Variants in DMD observed in about 807,000 individuals in gnomAD.
DMD encodes the protein mutant dystrophin.
DMD carries 63 observed loss-of-function variants against 330.1 expected under a neutral mutation model. That is an observed-to-expected ratio of 0.19 (90% CI 0.16 to 0.24). The LOEUF is 0.24. Ranked by LOEUF, DMD falls within the 10% of genes least tolerant of loss-of-function variation. DMD has a pLI of 1.00. For missense variants in DMD, 3,344 were observed against 2,684.1 expected (o/e 1.25, Z -5.43); for synonymous variants, 1,223 against 959.8 (o/e 1.27, Z -5.07).
rs1255459221 is a variant in DMD, at chrX:32,650,305, A to C, written c.961-5153T>G. On this transcript the variant is annotated intron_variant, in intron 9 of 78. Transcript: ENST00000357033. ...CAGTTTTATTGGTCTTGAATGCATA[A>C]ATGCTTCAAGAACATTTGCAAATTT... 2.7e-5 allele frequency among the ~76,000 whole-genome samples: 3 copies of C among 111,224 alleles called. No individual in the cohort carries two copies. In the East Asian group the frequency reaches 8.4e-4, roughly 31 times the overall value.
chrX:32,489,929 A>T (rs1364777938), intron 20 of DMD, among the ~76,000 whole-genome samples: 1 of 112,145 alleles, frequency 8.9e-6, no homozygotes, highest in Admixed American at 9.5e-5. Flanking sequence ...CAAGTGCCTT[A>T]TCCAAGGTAT....
chrX:32,841,121 T>A lies in DMD; in HGVS notation c.264+3662A>T, dbSNP rs1326181231. Among the ~76,000 whole-genome samples, 3 of 111,731 alleles carry A rather than the reference T, an allele frequency of 2.7e-5. No homozygotes were observed. The East Asian group carries it at 8.4e-4, about 31-fold the overall frequency. On this transcript the variant is annotated intron_variant, in intron 4 of 78. Transcript: ENST00000357033. ...ACTGGTATCTCATTACAGCTCTAAT[T>A]TAAATTTCCTCAAGTTACTGCTGAG... is the stretch of plus-strand genomic sequence containing the variant.
At chrX:31,296,608 G>A (rs2054206115) in intron 62 of DMD, among the ~76,000 whole-genome samples, 1 of 111,864 alleles carries the variant, frequency 8.9e-6, no homozygotes, top group African/African-American at 3.2e-5. Flanking sequence ...AAAGGCAGAT[G>A]AGTGGGCCCT....
At chrX:32,016,513 T>C (rs2095761927) in intron 44 of DMD, among the ~76,000 whole-genome samples, 1 of 111,171 alleles carries the variant, frequency 9.0e-6, no homozygotes, top group Non-Finnish European at 1.9e-5. Context: ...TAGCACATCT[T>C]TTTCTCTCCA....
chrX:32,053,483 T>G (rs1161785538), intron 44 of DMD, among the ~76,000 whole-genome samples: 1 of 111,398 alleles, frequency 9.0e-6, no homozygotes, highest in African/African-American at 3.3e-5. Context: ...TTCTTCACTT[T>G]GTTAGCTCTT....
intron 9 of DMD, among the ~76,000 whole-genome samples, chrX:32,657,043 T>TC (rs2060627755): frequency 9.3e-6 from 1 of 108,042 alleles, no homozygotes; most frequent in Non-Finnish European, 1.9e-5. Flanking sequence ...GTGTGTGTTT[T>TC]CTTCCTCTAA....
intron 1 of DMD, among the ~76,000 whole-genome samples, chrX:33,188,716 G>A (rs76110539): frequency 8.0e-5 from 9 of 111,834 alleles, no homozygotes; most frequent in Non-Finnish European, 1.3e-4. Flanking sequence ...TCCCAAATTC[G>A]TCTGTTGAAG....
At chrX:31,491,108 G>A (rs948471478) in intron 57 of DMD, among the ~76,000 whole-genome samples, 2 of 112,124 alleles carry the variant, frequency 1.8e-5, no homozygotes, top group Non-Finnish European at 3.8e-5. Context: ...CTAGGGAAGG[G>A]ATTATAGAGA....
At chrX:32,931,580 T>C (rs1468755879) in intron 2 of DMD, among the ~76,000 whole-genome samples, 1 of 111,448 alleles carries the variant, frequency 9.0e-6, no homozygotes, top group African/African-American at 3.3e-5. Flanking sequence ...CAAACAAACG[T>C]ATAAGCATAT....
chrX:33,096,694 T>C (rs752756334), intron 1 of DMD, among the ~76,000 whole-genome samples: 4 of 110,808 alleles, frequency 3.6e-5, no homozygotes, highest in Non-Finnish European at 7.6e-5. Context: ...TTAGTAGAGA[T>C]GGGGTTTCAC....
chrX:32,744,181 A>G (rs1180294310), intron 7 of DMD, among the ~76,000 whole-genome samples: 1 of 109,184 alleles, frequency 9.2e-6, no homozygotes, highest in African/African-American at 3.4e-5. Flanking sequence ...AGGAAGGATA[A>G]CCATTCTTAC....
intron 55 of DMD, among the ~76,000 whole-genome samples, chrX:31,509,655 T>C (rs1338222512): frequency 8.9e-6 from 1 of 112,223 alleles, no homozygotes; most frequent in Non-Finnish European, 1.9e-5. Flanking sequence ...ACACTTTCTT[T>C]GTCTTCTCAA....
rs568946747 is a variant in DMD at position 32,875,971 on chromosome X, T to C, written c.94-26151A>G. Among the ~76,000 whole-genome samples the C allele has an allele frequency of 4.5e-5, 5 of 111,636 alleles. No individual in the cohort carries two copies. In the East Asian group the frequency reaches 1.1e-3, roughly 25 times the overall value. On this transcript the variant is annotated intron_variant, in intron 2 of 78. Coordinates refer to ENST00000357033, the MANE Select transcript of DMD (RefSeq NM_004006.3). The stretch of plus-strand genomic sequence containing the variant: ...TCCATATTGATTACCCCCAAACCAT[T>C]TTCTTTAGTTGTGGTATCTTGCCTA...
chrX:31,796,974 T>C (rs760155643), intron 50 of DMD, among the ~76,000 whole-genome samples: 17 of 111,424 alleles, frequency 1.5e-4, no homozygotes, highest in Non-Finnish European at 2.8e-4. Flanking sequence ...TCATGAGAAG[T>C]TGGTAGTGGT....
intron 67 of DMD, among the ~76,000 whole-genome samples, chrX:31,188,450 T>C (rs1271173211): frequency 3.6e-5 from 4 of 112,104 alleles, no homozygotes; most frequent in Non-Finnish European, 7.5e-5. Flanking sequence ...TCTTTGTAAG[T>C]ACCATTATTT....
At chrX:32,682,537 C>A (rs1396911442) in intron 9 of DMD, among the ~76,000 whole-genome samples, 1 of 111,172 alleles carries the variant, frequency 9.0e-6, no homozygotes, top group Non-Finnish European at 1.9e-5. Flanking sequence ...TGAATTTTAG[C>A]AAGTTAACTT....
At chrX:32,820,194 C>A (rs1408224430) in intron 5 of DMD, among the ~76,000 whole-genome samples, 1 of 112,516 alleles carries the variant, frequency 8.9e-6, no homozygotes, top group African/African-American at 3.2e-5. Context: ...AATCCAAACA[C>A]TTTGGGAGGC....
intron 16 of DMD, among the ~76,000 whole-genome samples, chrX:32,552,843 T>A (rs1232061507): frequency 1.8e-5 from 2 of 111,936 alleles, no homozygotes; most frequent in African/African-American, 3.3e-5. Flanking sequence ...ATTAGAGAAG[T>A]GCAGATCAAA....
chrX:31,364,567 A>G lies in DMD; in HGVS notation c.9085-15933T>C, dbSNP rs938454024. Among the ~76,000 whole-genome samples, 3 of 112,386 alleles carry G rather than the reference A, an allele frequency of 2.7e-5. No homozygotes were observed. In the South Asian group the frequency reaches 1.1e-3, roughly 42 times the overall value. On this transcript the variant is annotated intron_variant, in intron 60 of 78. Coordinates refer to ENST00000357033, the MANE Select transcript of DMD (RefSeq NM_004006.3). ...AAAGGGGAAACTACAGAAACATTTAAGAAAATTAGCATTGATCCTAAAAGT... is the reference window on the plus strand; with the variant it reads ...AAAGGGGAAACTACAGAAACATTTAGGAAAATTAGCATTGATCCTAAAAGT...
Sources: gnomAD v4.1 joint callset for allele counts (sites outside exome capture counted in the v4.1 genomes callset) on GRCh38, gnomAD v4.1.1 for gene constraint, MANE v1.5 for transcripts, NCBI Gene and HGNC (gene_info 2026-07-23, HGNC 2026-07-21) for gene names.